The following PARD3 variants were observed in gnomAD, a reference collection of about 807,000 sequenced individuals.
The protein encoded by PARD3 is partitioning defective 3 homolog.
A neutral mutation model predicts 155.4 loss-of-function variants in PARD3; 75 were observed. The observed-to-expected ratio is 0.48, with a 90% CI of 0.40 to 0.58. The LOEUF (loss-of-function observed/expected upper bound fraction) is 0.58. Ranked by LOEUF, PARD3 falls within the 20% of genes least tolerant of loss-of-function variation. The pLI, the probability that PARD3 is intolerant of heterozygous loss-of-function variation, is 0.00. For synonymous variants in PARD3, 576 were observed against 610.5 expected (o/e 0.94, Z 0.83); for missense variants, 1,642 against 1,721.7 (o/e 0.95, Z 0.82).
rs12241588 is a variant in PARD3 at position 34,413,959 on chromosome 10, T to C, written c.715-12042A>G. On this transcript the variant is annotated intron_variant, in intron 5 of 24. Transcript: ENST00000374788. Reference sequence around the variant, plus strand: ...TCAAAGAGATTAATAGTTAACGATCTCATTTCTTCTGACAGTAAAAGAAAT... The same window carrying C: ...TCAAAGAGATTAATAGTTAACGATCCCATTTCTTCTGACAGTAAAAGAAAT... Among the ~76,000 whole-genome samples, 425 of 152,328 alleles carry C rather than the reference T, an allele frequency of 2.8e-3. 2 individuals are homozygous for C. The highest frequency in any genetic ancestry group is 9.6e-3 in the African/African-American group (401 of 41,580).
chr10:34,343,664 T>G (rs1053697711), intron 15 of PARD3: 9 of 985,136 alleles, frequency 9.1e-6, no homozygotes, highest in Non-Finnish European at 7.2e-6. Context: ...CATATTCTAC[T>G]AAGCTGCACC....
chr10:34,198,732 T>C (rs748433849), intron 22 of PARD3, among the ~76,000 whole-genome samples: 3 of 152,058 alleles, frequency 2.0e-5, no homozygotes, highest in Non-Finnish European at 4.4e-5. Context: ...ATTACAAAAA[T>C]TGCCCCAAAC....
intron 22 of PARD3, among the ~76,000 whole-genome samples, chr10:34,188,229 T>G (rs1291168922): frequency 1.3e-5 from 2 of 152,160 alleles, no homozygotes; most frequent in African/African-American, 2.4e-5. Context: ...TGTCTTTTGT[T>G]TGGTATTTAA....
chr10:34,188,122 T>C (rs1389838299), intron 22 of PARD3, among the ~76,000 whole-genome samples: 1 of 152,218 alleles, frequency 6.6e-6, no homozygotes, highest in Non-Finnish European at 1.5e-5. Flanking sequence ...TTAATAATTA[T>C]TTGCACTAAC....
At chr10:34,111,699 G>A in intron 24 of PARD3, 137 bp from the exon 25 acceptor site, 2 of 707,166 alleles carry the variant, frequency 2.8e-6, no homozygotes, top group Non-Finnish European at 2.3e-6. Context: ...GCCAGACACT[G>A]CGATAGGGGC....
intron 2 of PARD3, among the ~76,000 whole-genome samples, chr10:34,640,159 A>T (rs964996237): frequency 6.6e-6 from 1 of 152,156 alleles, no homozygotes; most frequent in African/African-American, 2.4e-5. Flanking sequence ...GCACCATGAC[A>T]CAGTGAGGCC....
intron 1 of PARD3, among the ~76,000 whole-genome samples, chr10:34,753,274 G>C (rs1457208126): frequency 3.9e-5 from 6 of 152,210 alleles, no homozygotes; most frequent in African/African-American, 1.4e-4. Flanking sequence ...ACTAAGAGCT[G>C]GGGACACCCT....
intron 22 of PARD3, among the ~76,000 whole-genome samples, chr10:34,153,010 G>T (rs189599454): frequency 6.6e-6 from 1 of 152,338 alleles, no homozygotes; most frequent in Non-Finnish European, 1.5e-5. Flanking sequence ...TTGGAGCAAT[G>T]CAGAAGTATA....
At chr10:34,299,427 T>C (rs1170509804) in intron 20 of PARD3, among the ~76,000 whole-genome samples, 1 of 152,244 alleles carries the variant, frequency 6.6e-6, no homozygotes, top group Non-Finnish European at 1.5e-5. Context: ...AATAAGAGCT[T>C]TCTCTCTAAT....
At chr10:34,579,234 C>T (rs906733949) in intron 2 of PARD3, among the ~76,000 whole-genome samples, 6 of 150,892 alleles carry the variant, frequency 4.0e-5, no homozygotes, top group African/African-American at 9.8e-5. Flanking sequence ...CGCGCCACTG[C>T]GCTCCAGCCT....
intron 2 of PARD3, among the ~76,000 whole-genome samples, chr10:34,650,098 C>T (rs2092959995): frequency 6.6e-6 from 1 of 152,112 alleles, no homozygotes; most frequent in South Asian, 2.1e-4. Flanking sequence ...TGTTTTACAA[C>T]GGGCTTTTTT....
At chr10:34,254,807 C>T (rs1564522704) in intron 22 of PARD3, among the ~76,000 whole-genome samples, 1 of 152,032 alleles carries the variant, frequency 6.6e-6, no homozygotes, top group Non-Finnish European at 1.5e-5. Flanking sequence ...AGGCACCTAC[C>T]ACAATTCTTG....
intron 3 of PARD3, among the ~76,000 whole-genome samples, chr10:34,508,224 A>C (rs1304712907): frequency 6.6e-6 from 1 of 152,234 alleles, no homozygotes; most frequent in Non-Finnish European, 1.5e-5. Flanking sequence ...AAATTTCCCA[A>C]GTAATGGATA....
rs576889647 is a variant in PARD3, at chr10:34,176,109, A to G, written c.3420-44526T>C. Among the ~76,000 whole-genome samples, 65 of 152,330 alleles carry G rather than the reference A, an allele frequency of 4.3e-4. No individual in the cohort carries two copies. In the South Asian group the frequency reaches 0.011, roughly 26 times the overall value. ...ATCATTCTAATTTGACATGATTTTTACCATAAGGTGTCAGTATAAAAAAAG... is the reference window on the plus strand; with the variant it reads ...ATCATTCTAATTTGACATGATTTTTGCCATAAGGTGTCAGTATAAAAAAAG... On this transcript the variant is annotated intron_variant, in intron 22 of 24. Transcript: ENST00000374788.
intron 22 of PARD3, among the ~76,000 whole-genome samples, chr10:34,164,372 T>G (rs779465458): frequency 6.6e-6 from 1 of 152,244 alleles, no homozygotes; most frequent in Non-Finnish European, 1.5e-5. Flanking sequence ...GCCCTCATCA[T>G]TCTTGTAATC....
Position 34,399,387 on chromosome 10 carries a change from G to C in PARD3, c.833C>G (p.Pro278Arg), listed in dbSNP as rs1260930943. 12 of 1,611,330 alleles carry C rather than the reference G, an allele frequency of 7.4e-6. No homozygotes were observed. The highest frequency in any genetic ancestry group is 9.3e-6 in the Non-Finnish European group (11 of 1,177,638). Reference protein sequence around the residue: ...LDDMVKLVEVPNDGGPLGIHV... With the variant: ...LDDMVKLVEVRNDGGPLGIHV... The stretch of plus-strand genomic sequence containing the variant: ...GATTCCCAGAGGCCCTCCATCGTTG[G>C]GGACTTCTACGAGCTTTACCATATC... Residue 278 changes from proline to arginine, a missense_variant, in exon 7 of 25, where the codon CCC becomes CGC. Around this residue, in one of 3 missense-constraint regions of PARD3, gnomAD observed 1,529 missense variants for 1,587.3 expected, o/e 0.96. Coordinates refer to ENST00000374788, the MANE Select transcript of PARD3 (RefSeq NM_001184785.2).
intron 22 of PARD3, among the ~76,000 whole-genome samples, chr10:34,151,676 C>T (rs1041862002): frequency 1.6e-4 from 24 of 152,184 alleles, no homozygotes; most frequent in African/African-American, 5.5e-4. Flanking sequence ...AAAATACAGG[C>T]ATCCTCTCCT....
chr10:34,621,532 T>G (rs1468146090), intron 2 of PARD3, among the ~76,000 whole-genome samples: 1 of 152,128 alleles, frequency 6.6e-6, no homozygotes, highest in Admixed American at 6.5e-5. Flanking sequence ...ATGACGTATT[T>G]GTACATTCCT....
intron 22 of PARD3, among the ~76,000 whole-genome samples, chr10:34,198,845 G>A (rs1026949383): frequency 6.6e-6 from 1 of 152,110 alleles, no homozygotes; most frequent in Non-Finnish European, 1.5e-5. Context: ...ACTGTGTCAC[G>A]ATGGGTGATC....
Sources: gnomAD v4.1 joint callset for allele counts (sites outside exome capture counted in the v4.1 genomes callset) on GRCh38, gnomAD v4.1.1 for gene constraint, gnomAD v4.1.1 regional missense constraint, MANE v1.5 for transcripts, NCBI Gene and HGNC (gene_info 2026-07-23, HGNC 2026-07-21) for gene names.